TRIM44: variants seen among roughly 807,000 people sequenced by gnomAD.
TRIM44 encodes tripartite motif containing 44, also known as tripartite motif-containing protein 44.
TRIM44 carries 13 observed loss-of-function variants against 37.4 expected under a neutral mutation model. The ratio of observed to expected loss-of-function variants is 0.35; its 90% CI spans 0.23 to 0.55. The LOEUF is 0.55. TRIM44 is among the 20% of genes least tolerant of loss of function. TRIM44 has a pLI of 0.89. For missense variants in TRIM44, 426 were observed against 437.2 expected, an observed-to-expected ratio of 0.97 and a Z score of 0.23; for synonymous variants, 175 against 157.2, an observed-to-expected ratio of 1.11 and a Z score of -0.85.
rs1035426270 is a variant in TRIM44, at chr11:35,666,833, T to A, written c.669+3053T>A. Among the ~76,000 whole-genome samples, 23 of 152,334 alleles carry A rather than the reference T, an allele frequency of 1.5e-4. No individual in the cohort carries two copies. In the East Asian group the frequency reaches 4.0e-3, roughly 27 times the overall value. On this transcript the variant is annotated intron_variant, in intron 1 of 4. Coordinates refer to ENST00000299413, the MANE Select transcript of TRIM44 (RefSeq NM_017583.6). ...AATATGATTAACTTTTATATATTGT[T>A]TTTTTGTGATCTATCTGCTGAATTA...
chr11:35,718,813 T>C (rs1282792351), intron 2 of TRIM44, among the ~76,000 whole-genome samples: 1 of 152,154 alleles, frequency 6.6e-6, no homozygotes, highest in East Asian at 1.9e-4. Flanking sequence ...ATTCCAAGCC[T>C]TTTAGATTGG....
intron 2 of TRIM44, among the ~76,000 whole-genome samples, chr11:35,702,322 C>A (rs1851799301): frequency 6.6e-6 from 1 of 152,190 alleles, no homozygotes; most frequent in African/African-American, 2.4e-5. Context: ...GTGTGGGCGG[C>A]CCGTGCGCAT....
chr11:35,723,097 T>C (rs1464223792), intron 2 of TRIM44, among the ~76,000 whole-genome samples: 2 of 151,778 alleles, frequency 1.3e-5, no homozygotes, highest in Non-Finnish European at 2.9e-5. Context: ...CTCTCTCTCT[T>C]TCTCTATCTC....
At chr11:35,706,291 G>A (rs1851880113) in intron 2 of TRIM44, among the ~76,000 whole-genome samples, 1 of 151,352 alleles carries the variant, frequency 6.6e-6, no homozygotes, top group South Asian at 2.1e-4. Context: ...ACCAAAAAGA[G>A]TCCAGGACCA....
In TRIM44 at chr11:35,808,206, T is replaced by TAAAA. The variant is rs1853479518; in HGVS notation, c.*1821_*1822insAAAA. The TAAAA allele has an allele frequency of 1.4e-3, 2 of 1,478 alleles. No individual in the cohort carries two copies. The highest frequency in any genetic ancestry group is 6.6e-3 in the Non-Finnish European group (2 of 304). 0.1% of individuals were successfully genotyped at this position (1,478 alleles called of 1,614,324 possible). On this transcript the variant is annotated 3_prime_UTR_variant, in exon 5 of 5. Coordinates refer to ENST00000299413, the MANE Select transcript of TRIM44 (RefSeq NM_017583.6). Reference sequence around the variant, plus strand: ...TTGGGGCTGAGGGGAGTTTGAGGTGTTAAAAAAAAAAAAAAAAAAGCATTT... The same window carrying TAAAA: ...TTGGGGCTGAGGGGAGTTTGAGGTGTAAAATAAAAAAAAAAAAAAAAAAGCATTT...
intron 4 of TRIM44, among the ~76,000 whole-genome samples, chr11:35,744,825 G>A (rs1198915206): frequency 2.6e-5 from 4 of 152,050 alleles, no homozygotes; most frequent in Non-Finnish European, 5.9e-5. Flanking sequence ...GCAGTGCTTG[G>A]TTTTCTGTTC....
intron 4 of TRIM44, among the ~76,000 whole-genome samples, chr11:35,785,072 G>A (rs565026556): frequency 1.5e-4 from 23 of 152,268 alleles, no homozygotes; most frequent in Middle Eastern, 3.4e-3. Context: ...TACTTGTCCT[G>A]TACTGACTGA....
At chr11:35,749,314 A>T (rs1007876641) in intron 4 of TRIM44, among the ~76,000 whole-genome samples, 4 of 152,240 alleles carry the variant, frequency 2.6e-5, no homozygotes, top group Non-Finnish European at 5.9e-5. Flanking sequence ...CCTTCTTTCA[A>T]AATCTGTTAT....
chr11:35,754,445 C>T (rs1360623594), intron 4 of TRIM44, among the ~76,000 whole-genome samples: 1 of 152,128 alleles, frequency 6.6e-6, no homozygotes, highest in Non-Finnish European at 1.5e-5. Flanking sequence ...TTTCAAGGTC[C>T]CATTTAGTTG....
chr11:35,745,140 C>CA (rs1196795927), intron 4 of TRIM44, among the ~76,000 whole-genome samples: 1 of 152,138 alleles, frequency 6.6e-6, no homozygotes, highest in Non-Finnish European at 1.5e-5. Context: ...TTTGAGGAAT[C>CA]ACCACACACT....
At chr11:35,806,337 G>T in intron 4 of TRIM44, 21 bp from the exon 5 acceptor site, 1 of 1,613,520 alleles carries the variant, frequency 6.2e-7, no homozygotes, top group Non-Finnish European at 8.5e-7. Context: ...TAACTCACCT[G>T]GTTCTCCTTT....
In TRIM44 at chr11:35,722,854, C is replaced by T. The variant is rs558961905; in HGVS notation, c.748-3070C>T. Among the ~76,000 whole-genome samples, 21 of 152,218 alleles carry T rather than the reference C, an allele frequency of 1.4e-4. No homozygotes were observed. The South Asian group carries it at 2.1e-3, about 15-fold the overall frequency. ...CAAAATGGAGTGGCTTTGGTTCAGA[C>T]GCCTGTGACAAAACAAATGTTTCTG... On this transcript the variant is annotated intron_variant, in intron 2 of 4. Transcript: ENST00000299413.
chr11:35,781,638 T>C (rs1853066927), intron 4 of TRIM44, among the ~76,000 whole-genome samples: 1 of 152,236 alleles, frequency 6.6e-6, no homozygotes, highest in Admixed American at 6.5e-5. Flanking sequence ...CAAATGGGAC[T>C]TTTCCCAAGA....
intron 1 of TRIM44, among the ~76,000 whole-genome samples, chr11:35,669,017 A>G (rs563190053): frequency 2.0e-5 from 3 of 152,090 alleles, no homozygotes; most frequent in Admixed American, 6.5e-5. Context: ...GTATGTGAAG[A>G]CTTTGTGGAC....
chr11:35,746,245 A>G (rs752046814), intron 4 of TRIM44, among the ~76,000 whole-genome samples: 6 of 152,044 alleles, frequency 3.9e-5, no homozygotes, highest in East Asian at 1.9e-4. Flanking sequence ...ACTTCAGTCT[A>G]TGTTTTAAGA....
chr11:35,757,366 T>C (rs528510757), intron 4 of TRIM44, among the ~76,000 whole-genome samples: 1 of 152,354 alleles, frequency 6.6e-6, no homozygotes, highest in Admixed American at 6.5e-5. Flanking sequence ...TATCATTTTT[T>C]ATTGCGTCTA....
chr11:35,723,725 A>G (rs1359408409), intron 2 of TRIM44, among the ~76,000 whole-genome samples: 2 of 152,244 alleles, frequency 1.3e-5, no homozygotes, highest in Non-Finnish European at 2.9e-5. Flanking sequence ...TGTGAAGTCT[A>G]GTAAAATAGG....
chr11:35,718,858 C>T (rs947595049), intron 2 of TRIM44, among the ~76,000 whole-genome samples: 1 of 150,348 alleles, frequency 6.7e-6, no homozygotes. Context: ...TTAAGATTCT[C>T]TCATGTATGT....
At chr11:35,696,568 G>A (rs1000214322) in intron 2 of TRIM44, among the ~76,000 whole-genome samples, 4 of 151,610 alleles carry the variant, frequency 2.6e-5, no homozygotes, top group Admixed American at 2.6e-4. Context: ...GCAAACAAAG[G>A]CCAAGCGCAG....
Sources: gnomAD v4.1 joint callset for allele counts (sites outside exome capture counted in the v4.1 genomes callset) on GRCh38, gnomAD v4.1.1 for gene constraint, MANE v1.5 for transcripts, NCBI Gene and HGNC (gene_info 2026-07-23, HGNC 2026-07-21) for gene names.